The following SLC12A8 variants were observed in gnomAD, a reference collection of about 807,000 sequenced individuals.
The protein encoded by SLC12A8 is cation-chloride cotransporter 9.
SLC12A8 carries 69 observed loss-of-function variants against 75.6 expected under a neutral mutation model. The ratio of observed to expected loss-of-function variants is 0.91; its 90% CI spans 0.75 to 1.11. The LOEUF (loss-of-function observed/expected upper bound fraction) is 1.11. Ranked by LOEUF, SLC12A8 falls within the 50% of genes most tolerant of loss-of-function variation. The pLI, the probability that SLC12A8 is intolerant of heterozygous loss-of-function variation, is 0.00. For missense variants in SLC12A8, 877 were observed against 896.7 expected, an observed-to-expected ratio of 0.98 and a Z score of 0.28; for synonymous variants, 365 against 372.8, an observed-to-expected ratio of 0.98 and a Z score of 0.24.
chr3:125,141,050 G>A (rs1225421452), intron 5 of SLC12A8, among the ~76,000 whole-genome samples: 3 of 152,162 alleles, frequency 2.0e-5, no homozygotes, highest in African/African-American at 4.8e-5. Flanking sequence ...GCCTGCAGCT[G>A]CTGCGTGTGA....
At chr3:125,132,916 C>A (rs528866136) in intron 6 of SLC12A8, among the ~76,000 whole-genome samples, 1 of 152,262 alleles carries the variant, frequency 6.6e-6, no homozygotes, top group Admixed American at 6.5e-5. Flanking sequence ...AGCTGAGAAG[C>A]CTGCATCGTG....
intron 10 of SLC12A8, among the ~76,000 whole-genome samples, chr3:125,096,415 C>G (rs1938713877): frequency 6.6e-6 from 1 of 152,158 alleles, no homozygotes; most frequent in Admixed American, 6.5e-5. Context: ...AGCTCTACAA[C>G]AGCAAAAACC....
intron 5 of SLC12A8, among the ~76,000 whole-genome samples, chr3:125,177,266 A>G (rs1323344110): frequency 6.8e-6 from 1 of 147,784 alleles, no homozygotes; most frequent in African/African-American, 2.5e-5. Flanking sequence ...ATAGGTGGGA[A>G]TTGAACAATG....
At chr3:125,084,626 T>A (rs569028811) in intron 13 of SLC12A8, among the ~76,000 whole-genome samples, 9 of 152,150 alleles carry the variant, frequency 5.9e-5, no homozygotes, top group African/African-American at 2.2e-4. Context: ...ACAGTTTCGG[T>A]TGGAATAAAC....
intron 2 of SLC12A8, among the ~76,000 whole-genome samples, chr3:125,204,719 GAGA>G (rs1166797898): frequency 1.3e-5 from 2 of 152,130 alleles, no homozygotes; most frequent in Non-Finnish European, 1.5e-5. Context: ...ATAGCTAGAG[GAGA>G]AGATTTGAAA....
At chr3:125,098,554 C>CCACACACACACA (rs3222429) in intron 10 of SLC12A8, among the ~76,000 whole-genome samples, 116 of 144,020 alleles carry the variant, frequency 8.1e-4, no homozygotes, top group East Asian at 2.9e-3. Flanking sequence ...TGAATCTTCT[C>CCACACACACACA]CACACACACA....
chr3:125,203,076 G>A (rs12497133), intron 2 of SLC12A8, among the ~76,000 whole-genome samples: 64,397 of 129,630 alleles, frequency 0.5, 15,627 homozygotes, highest in Non-Finnish European at 0.55. Context: ...GGACAAGAGC[G>A]AGACTTCATC....
Position 125,110,049 on chromosome 3 carries a change from C to T in SLC12A8, c.1059+140G>A, listed in dbSNP as rs1322262495. On this transcript the variant is annotated intron_variant, in intron 9 of 13. Coordinates refer to ENST00000469902, the MANE Select transcript of SLC12A8 (RefSeq NM_024628.6). ...AGAGGACAGGGCTGAAAGAAATGAC[C>T]TCTGCATTATTTTCTGTGTCACCCC... The T allele has an allele frequency of 5.4e-6, 5 of 918,792 alleles. No individual in the cohort carries two copies. The South Asian group carries it at 6.7e-5, about 12-fold the overall frequency. 56.9% of individuals were successfully genotyped at this position (918,792 alleles called of 1,614,324 possible).
intron 10 of SLC12A8, among the ~76,000 whole-genome samples, chr3:125,099,276 A>G (rs1322406758): frequency 2.0e-5 from 3 of 152,260 alleles, no homozygotes; most frequent in Non-Finnish European, 4.4e-5. Flanking sequence ...ACCACGGGGG[A>G]GGCAGATGCC....
intron 2 of SLC12A8, chr3:125,206,836 G>A (rs572672081): frequency 2.0e-4 from 30 of 152,292 alleles, no homozygotes; most frequent in African/African-American, 7.2e-4. Context: ...GTCCTGGGAG[G>A]TGCTGCACAC....
Position 125,120,588 on chromosome 3 carries a change from G to A in SLC12A8, c.824+11C>T, listed in dbSNP as rs763035296. ...CTCTAGCTCAGACTGATTGCCATGAGGGGAACTTACGAGATGCCAACAGCT... is the reference window on the plus strand; with the variant it reads ...CTCTAGCTCAGACTGATTGCCATGAAGGGAACTTACGAGATGCCAACAGCT... On this transcript the variant is annotated intron_variant, in intron 7 of 13. Transcript: ENST00000469902. 3.7e-6 allele frequency: 6 copies of A among 1,603,488 alleles called. No homozygotes were observed. Among genetic ancestry groups the A allele is most frequent in the Non-Finnish European group, 5.1e-6 (6 of 1,171,126 alleles).
intron 3 of SLC12A8, among the ~76,000 whole-genome samples, chr3:125,188,441 C>T (rs79995816): frequency 0.022 from 3,383 of 152,280 alleles, 140 homozygotes; most frequent in African/African-American, 0.077. Context: ...TCTTCCCCTT[C>T]ATATTCTCAG....
chr3:125,208,791 C>CAGAGAGAGAGAGAG (rs1287670719), intron 2 of SLC12A8, among the ~76,000 whole-genome samples: 13 of 84,228 alleles, frequency 1.5e-4, no homozygotes, highest in South Asian at 4.9e-4. Context: ...CACACACACA[C>CAGAGAGAGAGAGAG]AGAGAGAGAG....
At chr3:125,201,438 C>T (rs1367827383) in intron 2 of SLC12A8, among the ~76,000 whole-genome samples, 1 of 151,810 alleles carries the variant, frequency 6.6e-6, no homozygotes, top group Non-Finnish European at 1.5e-5. Context: ...TAAATAGGAC[C>T]TTTCTCCCAA....
intron 5 of SLC12A8, among the ~76,000 whole-genome samples, chr3:125,165,325 T>G (rs1934261990): frequency 6.6e-6 from 1 of 152,182 alleles, no homozygotes; most frequent in African/African-American, 2.4e-5. Context: ...TTTCCAGCCA[T>G]GAGAGGCCAG....
intron 8 of SLC12A8, among the ~76,000 whole-genome samples, chr3:125,111,765 G>A (rs1218154176): frequency 1.3e-5 from 2 of 152,062 alleles, no homozygotes; most frequent in African/African-American, 2.4e-5. Flanking sequence ...TTGACTGATG[G>A]ATGAATCAGT....
chr3:125,096,584 A>G (rs1295349743), intron 10 of SLC12A8, among the ~76,000 whole-genome samples: 2 of 152,190 alleles, frequency 1.3e-5, no homozygotes, highest in Non-Finnish European at 2.9e-5. Context: ...TCCAAGTATT[A>G]TGCTTATCTT....
At chr3:125,102,236 G>T (rs1938894814) in intron 10 of SLC12A8, among the ~76,000 whole-genome samples, 3 of 152,152 alleles carry the variant, frequency 2.0e-5, no homozygotes, top group Admixed American at 1.3e-4. Flanking sequence ...GATGGAGAAG[G>T]GGGAGGTGAA....
At chr3:125,114,826 T>G (rs1939269509) in intron 8 of SLC12A8, among the ~76,000 whole-genome samples, 1 of 152,266 alleles carries the variant, frequency 6.6e-6, no homozygotes, top group South Asian at 2.1e-4. Context: ...TGGCCTTTTT[T>G]ATTTGTAATA....
Sources: allele counts gnomAD v4.1 joint callset (sites outside exome capture counted in the v4.1 genomes callset), GRCh38; gene constraint gnomAD v4.1.1; transcripts MANE v1.5; gene names NCBI Gene and HGNC (gene_info 2026-07-23, HGNC 2026-07-21).